SRRM3: variants seen among roughly 807,000 people sequenced by gnomAD.
The protein encoded by SRRM3 is serine/arginine repetitive matrix 3.
SRRM3 carries 27 observed loss-of-function variants against 66.2 expected under a neutral mutation model. The observed-to-expected ratio is 0.41, with a 90% CI of 0.30 to 0.56. The LOEUF (loss-of-function observed/expected upper bound fraction) is 0.56. SRRM3 is among the 20% of genes least tolerant of loss of function. SRRM3 has a pLI of 0.32. For missense variants in SRRM3, 918 were observed against 991.9 expected (o/e 0.93, Z 1.00); for synonymous variants, 391 against 414.9 (o/e 0.94, Z 0.70).
chr7:76,215,979 TTG>T lies in SRRM3; in HGVS notation c.-40+13914_-40+13915del, dbSNP rs554439288. Among the ~76,000 whole-genome samples, 198 of 151,194 alleles carry T rather than the reference TTG, an allele frequency of 1.3e-3. 10 individuals are homozygous for T. The South Asian group carries it at 0.037, about 28-fold the overall frequency. ...CGCCCAGCTAATTTTTTTTTTTTTT[TTG>T]TATTTTTAGTAGAGACGGGGTTTCA... On this transcript the variant is annotated intron_variant, in intron 1 of 14. Transcript: ENST00000611745.
chr7:76,267,442 A>G lies in SRRM3; in HGVS notation c.1008+7A>G. On this transcript the variant is annotated splice_region_variant and intron_variant, in intron 11 of 14. Coordinates refer to ENST00000611745, the MANE Select transcript of SRRM3 (RefSeq NM_001110199.3). Reference sequence around the variant, plus strand: ...GGCGCACAGCCCGCCCGATGTACGTACGCTTCGCTTTGCGGAGGGTTCCCG... The same window carrying G: ...GGCGCACAGCCCGCCCGATGTACGTGCGCTTCGCTTTGCGGAGGGTTCCCG... 7.5e-7 allele frequency: 1 copy of G among 1,341,128 alleles called. No homozygotes were observed. Among genetic ancestry groups the G allele is most frequent in the African/African-American group, 1.5e-5 (1 of 64,600 alleles). The allele number at this position is 1,341,128 out of a possible 1,614,324, so 83.1% of individuals were successfully genotyped here.
intron 2 of SRRM3, among the ~76,000 whole-genome samples, chr7:76,243,177 A>G (rs1169213493): frequency 6.6e-6 from 1 of 152,212 alleles, no homozygotes; most frequent in Non-Finnish European, 1.5e-5. Context: ...TTCACAGATT[A>G]GAAGCTAAGG....
At chr7:76,255,167 T>TTTTTTTTTTA (rs1801682050) in intron 3 of SRRM3, among the ~76,000 whole-genome samples, 1 of 141,724 alleles carries the variant, frequency 7.1e-6, no homozygotes, top group East Asian at 2.1e-4. Flanking sequence ...TTTTTTTTTT[T>TTTTTTTTTTA]GAGATGGAAT....
In SRRM3 at chr7:76,236,651, C is replaced by T. The variant is rs782601737; in HGVS notation, c.233+1352C>T. ...CCATCCGGAAGGCGGGGGGCCAAGGCGGAGCCAGGATCAAGAGCCCTGCTG... is the reference window on the plus strand; with the variant it reads ...CCATCCGGAAGGCGGGGGGCCAAGGTGGAGCCAGGATCAAGAGCCCTGCTG... On this transcript the variant is annotated intron_variant, in intron 2 of 14. Transcript: ENST00000611745. Among the ~76,000 whole-genome samples the T allele has an allele frequency of 1.3e-5, 2 of 152,294 alleles. 1 individual carries two copies. Among genetic ancestry groups the T allele is most frequent in the South Asian group, 4.2e-4 (2 of 4,818 alleles).
At chr7:76,273,135 C>A (rs782543565) in intron 11 of SRRM3, 3 of 152,322 alleles carry the variant, frequency 2.0e-5, no homozygotes, top group Non-Finnish European at 4.4e-5. Context: ...CTTTCTGTTT[C>A]TCTTTCTCCT....
chr7:76,283,031 CG>C lies in SRRM3; in HGVS notation c.1664del (p.Arg555ProfsTer44). 1 of 1,487,250 alleles carries C rather than the reference CG, an allele frequency of 6.7e-7. No homozygotes were observed. Among genetic ancestry groups the C allele is most frequent in the Non-Finnish European group, 8.9e-7 (1 of 1,128,866 alleles). The allele number at this position is 1,487,250 out of a possible 1,614,324, so 92.1% of individuals were successfully genotyped here. On this transcript the variant is annotated frameshift_variant, in exon 14 of 15. Coordinates refer to ENST00000611745, the MANE Select transcript of SRRM3 (RefSeq NM_001110199.3). LOFTEE classifies it high-confidence loss of function. ...GGCCACCCGCGCCCGGCGCCGCTCC[CG>C]CAGCTACTCGCCCATCCGCAAGCGG... ...AEATRARRRSRSYSPIRKRRR... is the reference protein window; with the variant it reads ...AEATRARRRSXSYSPIRKRRR...
chr7:76,234,656 A>C (rs966807470), intron 1 of SRRM3, among the ~76,000 whole-genome samples: 1 of 152,078 alleles, frequency 6.6e-6, no homozygotes, highest in Non-Finnish European at 1.5e-5. Context: ...GAGAAATATG[A>C]CTGGGGAGTT....
intron 8 of SRRM3, among the ~76,000 whole-genome samples, chr7:76,262,896 G>T (rs535692521): frequency 1.3e-5 from 2 of 152,270 alleles, no homozygotes; most frequent in East Asian, 3.9e-4. Flanking sequence ...AGGAGAGCTC[G>T]GAAGGAAGTT....
intron 1 of SRRM3, 33 bp from the exon 2 acceptor site, chr7:76,234,994 AC>A: frequency 7.7e-7 from 1 of 1,293,620 alleles, no homozygotes; most frequent in South Asian, 1.5e-5. Context: ...CGAAGAAGTG[AC>A]CATCCCGCCT....
At chr7:76,258,937 G>C (rs189126969) in intron 3 of SRRM3, among the ~76,000 whole-genome samples, 1,959 of 151,652 alleles carry the variant, frequency 0.013, 43 homozygotes, top group African/African-American at 0.045. Context: ...CCAGCTACTC[G>C]GGAGGCTGAG....
rs1317595834 is a variant in SRRM3 at position 76,280,132 on chromosome 7, A to G, written c.1009-1309A>G. 2.7e-5 allele frequency among the ~76,000 whole-genome samples: 4 copies of G among 150,038 alleles called. No homozygotes were observed. In the South Asian group the frequency reaches 8.4e-4, roughly 32 times the overall value. On this transcript the variant is annotated intron_variant, in intron 11 of 14. Transcript: ENST00000611745. Reference sequence around the variant, plus strand: ...ATCAGAACTTAAAAAAAAAAAAAAGAAAAAGAAAAAGAAAAGAGAGAAACA... The same window carrying G: ...ATCAGAACTTAAAAAAAAAAAAAAGGAAAAGAAAAAGAAAAGAGAGAAACA...
intron 1 of SRRM3, among the ~76,000 whole-genome samples, chr7:76,234,742 T>G (rs1048730789): frequency 2.0e-5 from 3 of 152,104 alleles, no homozygotes; most frequent in African/African-American, 7.2e-5. Flanking sequence ...TCCTCGGTAG[T>G]TCCTGGAGGT....
chr7:76,221,654 G>A (rs926252796), intron 1 of SRRM3, among the ~76,000 whole-genome samples: 22 of 152,158 alleles, frequency 1.4e-4, no homozygotes, highest in African/African-American at 3.6e-4. Flanking sequence ...GAGCCACCGC[G>A]CCCCGCACCT....
At chr7:76,265,835 T>C (rs1802002086) in intron 10 of SRRM3, among the ~76,000 whole-genome samples, 1 of 11,910 alleles carries the variant, frequency 8.4e-5, no homozygotes. Context: ...TATTTATATA[T>C]ATATATATAT....
chr7:76,268,920 G>A (rs1802140914), intron 11 of SRRM3: 2 of 152,316 alleles, frequency 1.3e-5, no homozygotes, highest in South Asian at 4.1e-4. Context: ...CAAGAGCACA[G>A]GACCCGAAAC....
chr7:76,214,864 C>T (rs893510800), intron 1 of SRRM3, among the ~76,000 whole-genome samples: 2 of 152,022 alleles, frequency 1.3e-5, no homozygotes, highest in Admixed American at 6.6e-5. Context: ...TTACCTCAGC[C>T]TCTCAAAGTT....
intron 11 of SRRM3, among the ~76,000 whole-genome samples, chr7:76,275,300 G>A (rs1343619831): frequency 1.3e-5 from 2 of 151,754 alleles, no homozygotes; most frequent in African/African-American, 2.4e-5. Context: ...GGTGGTGCCA[G>A]GAGGGCAGAC....
rs782274759 is a variant in SRRM3 at position 76,261,333 on chromosome 7, C to G, written c.576-19C>G. 9.4e-7 allele frequency: 1 copy of G among 1,063,816 alleles called. No individual in the cohort carries two copies. Among genetic ancestry groups the G allele is most frequent in the South Asian group, 1.3e-5 (1 of 75,458 alleles). 65.9% of individuals were successfully genotyped at this position (1,063,816 alleles called of 1,614,324 possible). A position where few individuals can be genotyped will look rare whatever the true frequency, so the allele number is the denominator to read the frequency against. ...CCCCCCACCCCAGCTCACTAGAGCCCACCTCCCTGTGTCCACAGCTGTGGG... is the reference window on the plus strand; with the variant it reads ...CCCCCCACCCCAGCTCACTAGAGCCGACCTCCCTGTGTCCACAGCTGTGGG... On this transcript the variant is annotated intron_variant, in intron 6 of 14. Coordinates refer to ENST00000611745, the MANE Select transcript of SRRM3 (RefSeq NM_001110199.3).
chr7:76,260,590 T>C (rs1344774541), intron 5 of SRRM3, among the ~76,000 whole-genome samples: 1 of 128,776 alleles, frequency 7.8e-6, no homozygotes, highest in Non-Finnish European at 1.6e-5. Context: ...CGCCCCTCAC[T>C]GAGCCCTTCT....
Sources: gnomAD v4.1 joint callset for allele counts (sites outside exome capture counted in the v4.1 genomes callset) on GRCh38, gnomAD v4.1.1 for gene constraint, MANE v1.5 for transcripts, NCBI Gene and HGNC (gene_info 2026-07-23, HGNC 2026-07-21) for gene names.